The following OR52N2 variants were observed in gnomAD, a reference collection of about 807,000 sequenced individuals.
OR52N2 encodes olfactory receptor 52N2.
For missense variants in OR52N2, 326 were observed against 196.6 expected, an observed-to-expected ratio of 1.66 and a Z score of -3.94; for synonymous variants, 129 against 72.0, an observed-to-expected ratio of 1.79 and a Z score of -4.01.
intron 1 of OR52N2, among the ~76,000 whole-genome samples, chr11:5,817,959 C>T (rs1846416616): frequency 6.6e-6 from 1 of 152,070 alleles, no homozygotes; most frequent in East Asian, 1.9e-4. Context: ...AAAGCATATA[C>T]AATGTCATGA....
chr11:5,811,604 A>G (rs1194428783), intron 1 of OR52N2, among the ~76,000 whole-genome samples: 1 of 152,202 alleles, frequency 6.6e-6, no homozygotes, highest in Non-Finnish European at 1.5e-5. Context: ...ACGAAAGCAC[A>G]CTATTAGAGA....
intron 1 of OR52N2, among the ~76,000 whole-genome samples, chr11:5,811,684 A>G (rs537956272): frequency 5.3e-5 from 8 of 152,280 alleles, no homozygotes; most frequent in Admixed American, 2.0e-4. Flanking sequence ...AACAACAAGA[A>G]AACAACAAAA....
intron 1 of OR52N2, among the ~76,000 whole-genome samples, chr11:5,815,294 C>T (rs1846395412): frequency 6.6e-6 from 1 of 151,858 alleles, no homozygotes; most frequent in Non-Finnish European, 1.5e-5. Flanking sequence ...AAAAAGGCAA[C>T]CCACAGACCA....
At chr11:5,817,672 A>ACAT (rs774702333) in intron 1 of OR52N2, among the ~76,000 whole-genome samples, 7 of 152,312 alleles carry the variant, frequency 4.6e-5, no homozygotes, top group Non-Finnish European at 7.4e-5. Flanking sequence ...ATGGAAATGA[A>ACAT]CATCACCACA....
Position 5,820,370 on chromosome 11 carries a change from G to T in OR52N2, c.35G>T (p.Gly12Val), listed in dbSNP as rs753480556. ...GACAACAGCTCCAGCCTGACCCCAG[G>T]ATTCTTTATCTTGAATGGCGTTCCT... ...SGDNSSSLTPGFFILNGVPGL... is the reference protein window; with the variant it reads ...SGDNSSSLTPVFFILNGVPGL... The change falls in exon 2 of 2, where the codon GGA becomes GTA. Residue 12 changes from glycine to valine, a missense_variant. Transcript: ENST00000317037. 13 of 780,752 alleles carry T rather than the reference G, an allele frequency of 1.7e-5. No homozygotes were observed. Among genetic ancestry groups the T allele is most frequent in the South Asian group, 1.5e-4 (11 of 74,614 alleles). 48.4% of individuals were successfully genotyped at this position (780,752 alleles called of 1,614,324 possible).
At chr11:5,812,325 T>A (rs1387008550) in intron 1 of OR52N2, among the ~76,000 whole-genome samples, 1 of 135,956 alleles carries the variant, frequency 7.4e-6, no homozygotes, top group East Asian at 2.1e-4. Context: ...AAACCCTGTA[T>A]CTACTAAAAA....
intron 1 of OR52N2, among the ~76,000 whole-genome samples, chr11:5,813,465 AAAT>A (rs549563664): frequency 6.6e-5 from 10 of 152,116 alleles, no homozygotes; most frequent in Non-Finnish European, 1.3e-4. Flanking sequence ...TACCAATACT[AAAT>A]CATAAAGAAA....
chr11:5,813,879 T>G (rs1026148530), intron 1 of OR52N2, among the ~76,000 whole-genome samples: 1 of 152,128 alleles, frequency 6.6e-6, no homozygotes, highest in South Asian at 2.1e-4. Flanking sequence ...CACAAATCAA[T>G]AAATGCAACA....
intron 1 of OR52N2, among the ~76,000 whole-genome samples, chr11:5,811,733 A>G (rs769394667): frequency 6.6e-6 from 1 of 152,162 alleles, no homozygotes; most frequent in Non-Finnish European, 1.5e-5. Context: ...AATTACCTTG[A>G]AAGCAAAATG....
At chr11:5,818,897 A>G (rs1022976255) in intron 1 of OR52N2, among the ~76,000 whole-genome samples, 14 of 152,318 alleles carry the variant, frequency 9.2e-5, no homozygotes, top group South Asian at 8.3e-4. Context: ...ACTTCCTTAT[A>G]AGAAGGGATT....
At chr11:5,819,336 G>T (rs1461895182) in intron 1 of OR52N2, among the ~76,000 whole-genome samples, 4 of 152,056 alleles carry the variant, frequency 2.6e-5, no homozygotes, top group Non-Finnish European at 4.4e-5. Context: ...CAAAGATGTG[G>T]TGCTATTTTT....
In OR52N2 at chr11:5,820,892, T is replaced by G. The variant is rs1216188409; in HGVS notation, c.557T>G (p.Val186Gly). 1.3e-6 allele frequency: 1 copy of G among 781,116 alleles called. No individual in the cohort carries two copies. The highest frequency in any genetic ancestry group is 2.4e-5 in the East Asian group (1 of 41,252). The allele number at this position is 781,116 out of a possible 1,614,324, so 48.4% of individuals were successfully genotyped here. Residue 186 changes from valine (V) to glycine (G), a missense_variant, in exon 2 of 2, where the codon GTG becomes GGG. Physicochemically the swap from Val to Gly is moderately radical, Grantham distance 109. Transcript: ENST00000317037. ...CACACCTACTGTGACCATATGTCTG[T>G]GGCCAAGGTATCCTGTGGCAATTTC... ...IPHTYCDHMSVAKVSCGNFKV... is the reference protein window; with the variant it reads ...IPHTYCDHMSGAKVSCGNFKV...
chr11:5,813,008 A>T (rs1239801746), intron 1 of OR52N2, among the ~76,000 whole-genome samples: 1 of 152,026 alleles, frequency 6.6e-6, no homozygotes, highest in Non-Finnish European at 1.5e-5. Flanking sequence ...TAAATAATAT[A>T]TTGGTACTAA....
chr11:5,812,296 C>T (rs181918456), intron 1 of OR52N2, among the ~76,000 whole-genome samples: 5 of 150,504 alleles, frequency 3.3e-5, no homozygotes, highest in Admixed American at 2.6e-4. Flanking sequence ...AGATCTAGAC[C>T]ATCCTGGCTA....
rs992318467 is a variant in OR52N2, at chr11:5,820,448, T to A, written c.113T>A (p.Ile38Asn). The A allele has an allele frequency of 1.3e-6, 1 of 780,448 alleles. No homozygotes were observed. The highest frequency in any genetic ancestry group is 2.4e-6 in the Non-Finnish European group (1 of 417,936). 48.3% of individuals were successfully genotyped at this position (780,448 alleles called of 1,614,324 possible). A position where few individuals can be genotyped will look rare whatever the true frequency, so the allele number is the denominator to read the frequency against. Residue 38 changes from isoleucine (I) to asparagine (N), a missense_variant, in exon 2 of 2, where the codon ATC (isoleucine) becomes AAC (asparagine). Coordinates refer to ENST00000317037, the MANE Select transcript of OR52N2 (RefSeq NM_001005174.3). ...WISLPFCFMYIIAVVGNCGLI... is the reference protein window; with the variant it reads ...WISLPFCFMYNIAVVGNCGLI... Reference sequence around the variant, plus strand: ...TCCCTGCCATTCTGCTTTATGTACATCATTGCTGTCGTGGGGAACTGTGGG... The same window carrying A: ...TCCCTGCCATTCTGCTTTATGTACAACATTGCTGTCGTGGGGAACTGTGGG...
chr11:5,818,382 G>A (rs1435215642), intron 1 of OR52N2, among the ~76,000 whole-genome samples: 5 of 152,032 alleles, frequency 3.3e-5, no homozygotes, highest in East Asian at 3.9e-4. Context: ...CAGAACCCAC[G>A]GAGACACCTA....
intron 1 of OR52N2, among the ~76,000 whole-genome samples, chr11:5,815,949 A>ATG (rs1457394471): frequency 1.3e-5 from 2 of 150,360 alleles, no homozygotes; most frequent in African/African-American, 4.9e-5. Flanking sequence ...ATATATATGT[A>ATG]TGTGTGTATA....
Position 5,821,278 on chromosome 11 carries a change from G to T in OR52N2, c.943G>T (p.Val315Phe). 3 of 779,900 alleles carry T rather than the reference G, an allele frequency of 3.8e-6. No individual in the cohort carries two copies. Among genetic ancestry groups the T allele is most frequent in the Non-Finnish European group, 2.4e-6 (1 of 417,890 alleles). 48.3% of individuals were successfully genotyped at this position (779,900 alleles called of 1,614,324 possible). A position where few individuals can be genotyped will look rare whatever the true frequency, so the allele number is the denominator to read the frequency against. Residue 315 changes from valine to phenylalanine, a missense_variant, in exon 2 of 2, where the codon GTT (valine) becomes TTT (phenylalanine). Coordinates refer to ENST00000317037, the MANE Select transcript of OR52N2 (RefSeq NM_001005174.3). ...AATTAAATTTTTACTTGGAGACAAG[G>T]TTAGTTTTACCTATGACAAATGAAA... is the stretch of plus-strand genomic sequence containing the variant. Reference protein sequence around the residue: ...GVIKFLLGDKVSFTYDK With the variant: ...GVIKFLLGDKFSFTYDK
chr11:5,810,831 T>G (rs1846355626), intron 1 of OR52N2, among the ~76,000 whole-genome samples: 1 of 152,144 alleles, frequency 6.6e-6, no homozygotes, highest in African/African-American at 2.4e-5. Context: ...TTGTTTTGCT[T>G]CATACTAAAC....
Sources: allele counts gnomAD v4.1 joint callset (sites outside exome capture counted in the v4.1 genomes callset), GRCh38; gene constraint gnomAD v4.1.1; transcripts MANE v1.5; gene names NCBI Gene and HGNC (gene_info 2026-07-23, HGNC 2026-07-21).